Variants in TMX4 observed in about 807,000 individuals in gnomAD.
The protein encoded by TMX4 is thioredoxin-related transmembrane protein 4.
A neutral mutation model predicts 33.3 loss-of-function variants in TMX4; 23 were observed. The ratio of observed to expected loss-of-function variants is 0.69; its 90% confidence interval spans 0.50 to 0.98. TMX4 has a LOEUF of 0.98. Ranked by LOEUF, TMX4 falls within the 50% of genes least tolerant of loss-of-function variation. The probability of loss-of-function intolerance (pLI) is 0.00; values close to 1 mark genes in which losing one functional copy is unlikely to be tolerated. For synonymous variants in TMX4, 164 were observed against 161.5 expected, an observed-to-expected ratio of 1.02 and a Z score of -0.12; for missense variants, 399 against 448.9, an observed-to-expected ratio of 0.89 and a Z score of 1.01.
intron 1 of TMX4, chr20:8,013,715 C>A (rs988794328): frequency 1.3e-5 from 2 of 152,194 alleles, no homozygotes; most frequent in African/African-American, 4.8e-5. Context: ...GAAGGACTTA[C>A]TTATATTTAT....
intron 5 of TMX4, among the ~76,000 whole-genome samples, chr20:7,993,517 C>T (rs1416610817): frequency 6.6e-6 from 1 of 151,954 alleles, no homozygotes; most frequent in Non-Finnish European, 1.5e-5. Flanking sequence ...GAAGGCAAGA[C>T]CATAACTAAA....
rs148363933 is a variant in TMX4, at chr20:7,996,934, T to G, written c.468-863A>C. ...AAAATCTGGCTTCCACCCTCACCAC[T>G]ACAGGAACAGATTGTCAAGGCCATG... On this transcript the variant is annotated intron_variant, in intron 4 of 7. Transcript: ENST00000246024. Among the ~76,000 whole-genome samples the G allele has an allele frequency of 3.3e-5, 5 of 152,242 alleles. No individual in the cohort carries two copies. In the East Asian group the frequency reaches 9.7e-4, roughly 29 times the overall value.
chr20:7,981,972 G>A lies in TMX4; in HGVS notation c.*279C>T. On this transcript the variant is annotated 3_prime_UTR_variant, in exon 8 of 8. Transcript: ENST00000246024. ...ATTAGGACTGGGAATGGCCTCCTCT[G>A]GTCGAGACTCTCTGACCCCTAAGTA... 2.8e-6 allele frequency: 1 copy of A among 363,572 alleles called. No homozygotes were observed. Among genetic ancestry groups the A allele is most frequent in the South Asian group, 4.2e-5 (1 of 23,934 alleles). The allele number at this position is 363,572 out of a possible 1,614,324, so 22.5% of individuals were successfully genotyped here. A position where few individuals can be genotyped will look rare whatever the true frequency, so the allele number is the denominator to read the frequency against.
intron 2 of TMX4, among the ~76,000 whole-genome samples, chr20:8,009,583 G>T (rs2050743920): frequency 6.6e-6 from 1 of 152,062 alleles, no homozygotes; most frequent in Admixed American, 6.5e-5. Context: ...GATGTAATAT[G>T]AAGTCACAGC....
rs564679120 is a variant in TMX4 at position 8,011,772 on chromosome 20, C to G, written c.177-1457G>C. 5.3e-5 allele frequency among the ~76,000 whole-genome samples: 8 copies of G among 152,180 alleles called. No homozygotes were observed. The South Asian group carries it at 1.7e-3, about 32-fold the overall frequency. On this transcript the variant is annotated intron_variant, in intron 1 of 7. Coordinates refer to ENST00000246024, the MANE Select transcript of TMX4 (RefSeq NM_021156.4). ...AGTTGTTCACCATCTCTAGAAAAGA[C>G]TACTATATAGCTAATTCCAAGATCA...
chr20:8,006,916 C>A (rs1472202823), intron 2 of TMX4, among the ~76,000 whole-genome samples: 1 of 152,142 alleles, frequency 6.6e-6, no homozygotes, highest in Non-Finnish European at 1.5e-5. Context: ...TAGGCACCTG[C>A]CACCACACCC....
chr20:8,010,138 G>T, intron 2 of TMX4, 62 bp downstream of exon 2: 1 of 1,442,486 alleles, frequency 6.9e-7, no homozygotes, highest in Non-Finnish European at 9.6e-7. Context: ...CTATATGCTT[G>T]AAAAAAATTC....
intron 1 of TMX4, among the ~76,000 whole-genome samples, chr20:8,014,391 T>A (rs1568539979): frequency 6.6e-6 from 1 of 152,358 alleles, no homozygotes; most frequent in East Asian, 1.9e-4. Flanking sequence ...TTCAGTGATA[T>A]GCTTGAAGAA....
chr20:7,977,347 G>C lies in TMX4; in HGVS notation c.*4904C>G, dbSNP rs559450550. ...GAGAGAATGAATGAACAGACTAGAT[G>C]GAGGATGGACACGAAGGAAAATTTT... On this transcript the variant is annotated 3_prime_UTR_variant, in exon 8 of 8. Transcript: ENST00000246024. 2.0e-5 allele frequency: 3 copies of C among 152,196 alleles called. No individual in the cohort carries two copies. The highest frequency in any genetic ancestry group is 4.4e-5 in the Non-Finnish European group (3 of 68,042). The allele number at this position is 152,196 out of a possible 1,614,324, so 9.4% of individuals were successfully genotyped here.
At chr20:7,995,715 G>T (rs551183787) in intron 5 of TMX4, among the ~76,000 whole-genome samples, 10 of 152,008 alleles carry the variant, frequency 6.6e-5, no homozygotes, top group African/African-American at 2.2e-4. Context: ...TCCTTTGTAG[G>T]GAGATATGCC....
chr20:8,002,331 T>C (rs764022475), intron 2 of TMX4, among the ~76,000 whole-genome samples: 1 of 152,104 alleles, frequency 6.6e-6, no homozygotes, highest in African/African-American at 2.4e-5. Flanking sequence ...ACAGAGCTTA[T>C]AGTCTAGTAG....
At chr20:7,992,999 C>T (rs971579828) in intron 5 of TMX4, among the ~76,000 whole-genome samples, 17 of 152,284 alleles carry the variant, frequency 1.1e-4, no homozygotes, top group South Asian at 6.2e-4. Flanking sequence ...CACACAAAAA[C>T]GCCATATAAA....
intron 4 of TMX4, among the ~76,000 whole-genome samples, chr20:7,999,450 T>C (rs897661862): frequency 3.9e-5 from 6 of 152,168 alleles, no homozygotes; most frequent in African/African-American, 1.4e-4. Context: ...CCATATTTTG[T>C]AAAGAGAAAA....
intron 1 of TMX4, among the ~76,000 whole-genome samples, chr20:8,010,857 C>T (rs2050750221): frequency 6.6e-6 from 1 of 152,138 alleles, no homozygotes; most frequent in Non-Finnish European, 1.5e-5. Flanking sequence ...CCAACACTTT[C>T]TTAAATTTAG....
At chr20:7,993,373 C>G (rs187764607) in intron 5 of TMX4, among the ~76,000 whole-genome samples, 10 of 152,110 alleles carry the variant, frequency 6.6e-5, no homozygotes, top group Non-Finnish European at 1.2e-4. Flanking sequence ...AAAACAAATA[C>G]GTTTGCCACA....
At chr20:8,006,676 C>T (rs2050731932) in intron 2 of TMX4, among the ~76,000 whole-genome samples, 1 of 151,970 alleles carries the variant, frequency 6.6e-6, no homozygotes, top group Non-Finnish European at 1.5e-5. Context: ...CTACACTTGG[C>T]TACCAGACCC....
At position 7,977,414 on chromosome 20, in the gene TMX4, T is replaced by C. The variant is rs1270325849; in HGVS notation, c.*4837A>G. The C allele has an allele frequency of 6.6e-6, 1 of 152,244 alleles. No homozygotes were observed. Among genetic ancestry groups the C allele is most frequent in the Non-Finnish European group, 1.5e-5 (1 of 68,042 alleles). The allele number at this position is 152,244 out of a possible 1,614,324, so 9.4% of individuals were successfully genotyped here. ...TTTTTTGCTGCCTAGGCAAATGGCTTTTGTGAAAACACTTGTATGAAAAGC... is the reference window on the plus strand; with the variant it reads ...TTTTTTGCTGCCTAGGCAAATGGCTCTTGTGAAAACACTTGTATGAAAAGC... On this transcript the variant is annotated 3_prime_UTR_variant, in exon 8 of 8. Transcript: ENST00000246024.
rs76497840 is a variant in TMX4, at chr20:7,979,088, A to G, written c.*3163T>C. The G allele has an allele frequency of 6.7e-6, 1 of 149,170 alleles. No homozygotes were observed. The allele number at this position is 149,170 out of a possible 1,614,324, so 9.2% of individuals were successfully genotyped here. A position where few individuals can be genotyped will look rare whatever the true frequency, so the allele number is the denominator to read the frequency against. On this transcript the variant is annotated 3_prime_UTR_variant, in exon 8 of 8. Transcript: ENST00000246024. ...CATGATTTTAATTTTTTTTTTTTTT[A>G]GATTTTAAAAATCAAAATCATGTTT...
intron 7 of TMX4, 146 bp downstream of exon 7, chr20:7,983,648 C>A: frequency 1.9e-6 from 1 of 518,138 alleles, no homozygotes; most frequent in Non-Finnish European, 3.4e-6. Flanking sequence ...TTCAAATCTA[C>A]CTAGAAAACA....
Sources: gnomAD v4.1 joint callset for allele counts (sites outside exome capture counted in the v4.1 genomes callset) on GRCh38, gnomAD v4.1.1 for gene constraint, MANE v1.5 for transcripts, NCBI Gene and HGNC (gene_info 2026-07-23, HGNC 2026-07-21) for gene names.